Variants in SHANK1 observed in about 807,000 individuals in gnomAD.
The protein encoded by SHANK1 is SH3 and multiple ankyrin repeat domains protein 1.
In SHANK1, 35 loss-of-function variants were observed where a neutral mutation model predicts 165.6. The observed-to-expected ratio is 0.21, with a 90% CI of 0.16 to 0.28. The LOEUF is 0.28. Ranked by LOEUF, SHANK1 falls within the 10% of genes least tolerant of loss-of-function variation. SHANK1 has a pLI of 1.00. For synonymous variants in SHANK1, 1,428 were observed against 1,384.8 expected, an observed-to-expected ratio of 1.03 and a Z score of -0.69; for missense variants, 2,681 against 3,036.4, an observed-to-expected ratio of 0.88 and a Z score of 2.75.
At chr19:50,687,817 A>G in intron 18 of SHANK1, 106 bp downstream of exon 18, 1 of 1,461,644 alleles carries the variant, frequency 6.8e-7, no homozygotes, top group Non-Finnish European at 9.3e-7. Flanking sequence ...ACGGAGAAGC[A>G]GTGCTAGGGA....
In SHANK1 at chr19:50,718,039, C is replaced by T. The variant is rs2089088918; in HGVS notation, c.-43-1077G>A. 1.3e-5 allele frequency among the ~76,000 whole-genome samples: 2 copies of T among 152,160 alleles called. No individual in the cohort carries two copies. The highest frequency in any genetic ancestry group is 6.5e-5 in the Admixed American group (1 of 15,286). On this transcript the variant is annotated intron_variant, in intron 1 of 23. Coordinates refer to ENST00000293441, the MANE Select transcript of SHANK1 (RefSeq NM_016148.5). This position sits in a 1 kb window ranked among gnomAD's most constrained non-coding sequence, Gnocchi z 5.1. ...CCAGAATGTCTGGTCTGGTCCCTCC[C>T]CCCAACACCAGGCCCGGTTCCTGCA...
rs1013669132 is a variant in SHANK1 at position 50,668,721 on chromosome 19, G to C, written c.3239C>G (p.Pro1080Arg). Reference sequence around the variant, plus strand: ...GGGCAGCTGGAAATAGCGTAGAGCCGGGCCCTGGGAGGAGCCGCCGCCCCC... The same window carrying C: ...GGGCAGCTGGAAATAGCGTAGAGCCCGGCCCTGGGAGGAGCCGCCGCCCCC... Reference protein sequence around the residue: ...AGGGGGSSQGPALRYFQLPPR... With the variant: ...AGGGGGSSQGRALRYFQLPPR... Residue 1080 changes from proline (P) to arginine (R), a missense_variant, in exon 23 of 24, where the codon CCG (proline) becomes CGG (arginine). By Grantham distance (103) the Pro-to-Arg change is moderately radical. Transcript: ENST00000293441. 1.6e-6 allele frequency: 2 copies of C among 1,285,116 alleles called. No homozygotes were observed. Among genetic ancestry groups the C allele is most frequent in the Non-Finnish European group, 2.0e-6 (2 of 1,022,484 alleles). The allele number at this position is 1,285,116 out of a possible 1,614,324, so 79.6% of individuals were successfully genotyped here.
intron 8 of SHANK1, among the ~76,000 whole-genome samples, chr19:50,709,304 A>C (rs993208471): frequency 2.6e-5 from 4 of 151,912 alleles, no homozygotes; most frequent in Non-Finnish European, 4.4e-5. Flanking sequence ...ACGCCTGGCT[A>C]ACTTTTTTTT....
Position 50,661,995 on chromosome 19 carries a change from G to T in SHANK1, c.6456C>A (p.Asp2152Glu). The change falls in exon 24 of 24, where the codon GAC becomes GAA. Residue 2152 changes from aspartate (D) to glutamate (E), a missense_variant. Physicochemically the swap from Asp to Glu is conservative, Grantham distance 45. Transcript: ENST00000293441. ...TCTCCAGGAAGAATTTGAGAGCCCG[G>T]TCGATGTTCATGCGGTGGCCCACCC... ...VTRVGHRMNI[D>E]RALKFFLER 2.5e-6 allele frequency: 4 copies of T among 1,614,144 alleles called. No homozygotes were observed. Among genetic ancestry groups the T allele is most frequent in the Non-Finnish European group, 3.4e-6 (4 of 1,180,026 alleles).
At chr19:50,701,108 A>C (rs940468233) in intron 12 of SHANK1, among the ~76,000 whole-genome samples, 1 of 151,202 alleles carries the variant, frequency 6.6e-6, no homozygotes, top group Non-Finnish European at 1.5e-5. Flanking sequence ...TTGACCTTCT[A>C]TGGTAGGATC....
At position 50,686,654 on chromosome 19, in the gene SHANK1, G is replaced by T; in HGVS notation, c.2458+90C>A. The T allele has an allele frequency of 8.0e-7, 1 of 1,248,642 alleles. No homozygotes were observed. The highest frequency in any genetic ancestry group is 1.1e-6 in the Non-Finnish European group (1 of 872,816). 77.3% of individuals were successfully genotyped at this position (1,248,642 alleles called of 1,614,324 possible). ...AGCCTCTCTGGGGCAGGAAGGTGAGGGGCGCCGTGGGGTTCATGGTGGGAC... is the reference window on the plus strand; with the variant it reads ...AGCCTCTCTGGGGCAGGAAGGTGAGTGGCGCCGTGGGGTTCATGGTGGGAC... On this transcript the variant is annotated intron_variant, in intron 20 of 23. Transcript: ENST00000293441. This position sits in a 1 kb window ranked among gnomAD's most constrained non-coding sequence, Gnocchi z 5.7.
chr19:50,700,712 G>A (rs1986890441), intron 12 of SHANK1, among the ~76,000 whole-genome samples: 1 of 152,050 alleles, frequency 6.6e-6, no homozygotes, highest in Non-Finnish European at 1.5e-5. Context: ...TCCCTGCGTA[G>A]AAGCATTGAG....
rs1224428011 is a variant in SHANK1 at position 50,665,419 on chromosome 19, T to C, written c.5768+773A>G. ...TCATCTCTACTAAAAATACAAAAAT[T>C]TGCCGGGCATGGTGGCGGGCACCTG... On this transcript the variant is annotated intron_variant, in intron 23 of 23. Coordinates refer to ENST00000293441, the MANE Select transcript of SHANK1 (RefSeq NM_016148.5). Among the ~76,000 whole-genome samples the C allele has an allele frequency of 2.6e-5, 4 of 151,470 alleles. No homozygotes were observed. The South Asian group carries it at 6.3e-4, about 24-fold the overall frequency.
In SHANK1 at chr19:50,660,192, T is replaced by G. The variant is rs1985144183; in HGVS notation, c.*1773A>C. Among the ~76,000 whole-genome samples, 3 of 120,360 alleles carry G rather than the reference T, an allele frequency of 2.5e-5. No homozygotes were observed. Among genetic ancestry groups the G allele is most frequent in the South Asian group, 2.6e-4 (1 of 3,860 alleles). 79.0% of individuals were successfully genotyped at this position (120,360 alleles called of 152,430 possible). On this transcript the variant is annotated 3_prime_UTR_variant, in exon 24 of 24. Coordinates refer to ENST00000293441, the MANE Select transcript of SHANK1 (RefSeq NM_016148.5). ...GGAGGGGGCTTTTCAGGGGGAGGGG[T>G]GGCTTAACATTCCCAAGCCCCGGGA...
chr19:50,704,308 C>A, intron 9 of SHANK1, 122 bp from the exon 10 acceptor site: 2 of 1,311,398 alleles, frequency 1.5e-6, no homozygotes, highest in South Asian at 1.2e-5. Context: ...CGCCCTCTGT[C>A]TTCTTCCAGC....
intron 15 of SHANK1, among the ~76,000 whole-genome samples, chr19:50,695,604 A>G (rs1986715046): frequency 6.6e-6 from 1 of 150,704 alleles, no homozygotes; most frequent in Non-Finnish European, 1.5e-5. Flanking sequence ...AACATCACAC[A>G]AGATGCCTCG....
Position 50,689,006 on chromosome 19 carries a change from G to A in SHANK1, c.2048-38C>T, listed in dbSNP as rs200105673. 5.5e-6 allele frequency: 8 copies of A among 1,442,900 alleles called. No homozygotes were observed. The East Asian group carries it at 1.5e-4, about 27-fold the overall frequency. The allele number at this position is 1,442,900 out of a possible 1,614,324, so 89.4% of individuals were successfully genotyped here. A position where few individuals can be genotyped will look rare whatever the true frequency, so the allele number is the denominator to read the frequency against. ...AGGAGCCGGCGGGGTCGGAGGGGAG[G>A]GGGTGGAGAGGCCGAGCAGGGGATG... is the stretch of plus-strand genomic sequence containing the variant. On this transcript the variant is annotated intron_variant, in intron 16 of 23. Transcript: ENST00000293441.
At chr19:50,671,946 T>G (rs1460747314) in intron 22 of SHANK1, 72 bp downstream of exon 22, 1 of 1,131,104 alleles carries the variant, frequency 8.8e-7, no homozygotes, top group Non-Finnish European at 1.3e-6. Flanking sequence ...TTTCCAAGTC[T>G]GCTTGCTTTT....
Position 50,697,720 on chromosome 19 carries a change from C to T in SHANK1, c.1862-56G>A. 1 of 1,575,150 alleles carries T rather than the reference C, an allele frequency of 6.3e-7. No homozygotes were observed. The highest frequency in any genetic ancestry group is 8.7e-7 in the Non-Finnish European group (1 of 1,145,158). ...CTTGTTTTGGAAACCACAATCCCAGCCCTAGAGCTCCTGGCCCAAGTCTTC... is the reference window on the plus strand; with the variant it reads ...CTTGTTTTGGAAACCACAATCCCAGTCCTAGAGCTCCTGGCCCAAGTCTTC... On this transcript the variant is annotated intron_variant, in intron 13 of 23. Transcript: ENST00000293441. This position sits in a 1 kb window ranked among gnomAD's most constrained non-coding sequence, Gnocchi z 4.7.
At position 50,667,136 on chromosome 19, in the gene SHANK1, CG is replaced by C; in HGVS notation, c.4823del (p.Pro1608ArgfsTer17). On this transcript the variant is annotated frameshift_variant, in exon 23 of 24. Transcript: ENST00000293441. LOFTEE classifies it high-confidence loss of function. The surrounding 1 kb of genome is among the most constrained non-coding windows in gnomAD (Gnocchi z 5.7). ...PATPLPPVPP[P>X]AVAAAPPTLD... Reference sequence around the variant, plus strand: ...GGGTGGGAGGGGCTGCGGCCACAGCCGGGGGTGGCACAGGGGGTAACGGGGT... The same window carrying C: ...GGGTGGGAGGGGCTGCGGCCACAGCCGGGGTGGCACAGGGGGTAACGGGGT... 1 of 834,230 alleles carries C rather than the reference CG, an allele frequency of 1.2e-6. No homozygotes were observed. 51.7% of individuals were successfully genotyped at this position (834,230 alleles called of 1,614,324 possible).
Position 50,690,923 on chromosome 19 carries a change from T to C in SHANK1, c.1965-1644A>G, listed in dbSNP as rs1344481618. Among the ~76,000 whole-genome samples the C allele has an allele frequency of 6.6e-6, 1 of 152,120 alleles. No individual in the cohort carries two copies. The highest frequency in any genetic ancestry group is 1.5e-5 in the Non-Finnish European group (1 of 68,030). ...CCATGGCTCCCCTTGTAAAAATCCATACATTTGCACCATGGCGACAGGGTT... is the reference window on the plus strand; with the variant it reads ...CCATGGCTCCCCTTGTAAAAATCCACACATTTGCACCATGGCGACAGGGTT... On this transcript the variant is annotated intron_variant, in intron 15 of 23. Coordinates refer to ENST00000293441, the MANE Select transcript of SHANK1 (RefSeq NM_016148.5). The surrounding 1 kb of genome is among the most constrained non-coding windows in gnomAD (Gnocchi z 4.9).
Position 50,661,708 on chromosome 19 carries a change from A to C in SHANK1, c.*257T>G. ...TCCCTCCTTCTCAATTCCCCTCTGT[A>C]ATTTCTCCTATCCCCCCTCCGCTCC... On this transcript the variant is annotated 3_prime_UTR_variant, in exon 24 of 24. Transcript: ENST00000293441. The C allele has an allele frequency of 1.5e-5, 7 of 464,382 alleles. No homozygotes were observed. Among genetic ancestry groups the C allele is most frequent in the South Asian group, 5.0e-5 (2 of 39,936 alleles). 28.8% of individuals were successfully genotyped at this position (464,382 alleles called of 1,614,324 possible).
At chr19:50,694,828 G>A (rs1986676489) in intron 15 of SHANK1, among the ~76,000 whole-genome samples, 2 of 148,426 alleles carry the variant, frequency 1.3e-5, no homozygotes, top group South Asian at 4.2e-4. Context: ...GGGGTTTAGC[G>A]GCGGGGGAGG....
intron 21 of SHANK1, among the ~76,000 whole-genome samples, chr19:50,683,634 TG>T (rs1344320691): frequency 1.3e-5 from 2 of 152,064 alleles, no homozygotes; most frequent in African/African-American, 4.8e-5. Flanking sequence ...GGCCCAAAGA[TG>T]CAAAGCACGT....
Sources: allele counts gnomAD v4.1 joint callset (sites outside exome capture counted in the v4.1 genomes callset), GRCh38; gene constraint gnomAD v4.1.1; non-coding constraint Gnocchi (gnomAD v3.1); transcripts MANE v1.5; gene names NCBI Gene and HGNC (gene_info 2026-07-23, HGNC 2026-07-21).